TMEM117: variants seen among roughly 807,000 people sequenced by gnomAD.
TMEM117 encodes transmembrane protein 117.
Under a neutral mutation model 52.4 loss-of-function variants are expected in TMEM117, and 27 were observed. That is an observed-to-expected ratio of 0.51 (90% CI 0.38 to 0.71). TMEM117 has a LOEUF of 0.71. Ranked by LOEUF, TMEM117 falls within the 30% of genes least tolerant of loss-of-function variation. TMEM117 has a pLI of 0.00. For synonymous variants in TMEM117, 215 were observed against 206.3 expected (o/e 1.04, Z -0.36); for missense variants, 556 against 630.5 (o/e 0.88, Z 1.26).
chr12:44,115,070 A>C (rs1592529392), intron 3 of TMEM117, among the ~76,000 whole-genome samples: 1 of 152,324 alleles, frequency 6.6e-6, no homozygotes, highest in East Asian at 1.9e-4. Context: ...GGATTGGCAA[A>C]TATGTAGCAT....
intron 3 of TMEM117, among the ~76,000 whole-genome samples, chr12:44,007,743 G>T (rs897633390): frequency 2.6e-5 from 4 of 152,100 alleles, no homozygotes; most frequent in African/African-American, 9.7e-5. Context: ...TTCTGGTGCT[G>T]TTCTCGTGAT....
chr12:44,066,111 A>G (rs1947218158), intron 3 of TMEM117, among the ~76,000 whole-genome samples: 1 of 152,306 alleles, frequency 6.6e-6, no homozygotes. Flanking sequence ...ATTTGATACA[A>G]TTTGAACAGT....
At chr12:44,338,535 A>G (rs150256010) in intron 6 of TMEM117, among the ~76,000 whole-genome samples, 62 of 152,128 alleles carry the variant, frequency 4.1e-4, no homozygotes, top group African/African-American at 1.4e-3. Flanking sequence ...CATGTGTAAA[A>G]CATTTTAAAA....
At chr12:44,171,825 G>A (rs190626436) in intron 4 of TMEM117, among the ~76,000 whole-genome samples, 144 of 152,244 alleles carry the variant, frequency 9.5e-4, no homozygotes, top group African/African-American at 3.3e-3. Context: ...TGCCTCTTGA[G>A]AAAGTAACAT....
At chr12:44,360,312 G>T (rs1951703532) in intron 6 of TMEM117, among the ~76,000 whole-genome samples, 1 of 152,064 alleles carries the variant, frequency 6.6e-6, no homozygotes, top group African/African-American at 2.4e-5. Flanking sequence ...GGGCGCAGTG[G>T]CTCATGCCTG....
At chr12:44,281,639 A>G (rs1950578347) in intron 5 of TMEM117, among the ~76,000 whole-genome samples, 1 of 152,208 alleles carries the variant, frequency 6.6e-6, no homozygotes, top group South Asian at 2.1e-4. Context: ...TTTTAAAAGT[A>G]CTTTTAACAA....
the TMEM117 span, among the ~76,000 whole-genome samples, chr12:43,817,294 T>A: frequency 2.0e-5 from 3 of 152,228 alleles, no homozygotes; most frequent in Non-Finnish European, 4.4e-5. Context: ...ATTTCTGCTA[T>A]AAGAGTTATG....
chr12:43,813,324 A>G, the TMEM117 span, among the ~76,000 whole-genome samples: 36 of 139,068 alleles, frequency 2.6e-4, no homozygotes, highest in East Asian at 7.1e-3. Context: ...GCTCACTGTA[A>G]CCTCTGCCTC....
intron 5 of TMEM117, among the ~76,000 whole-genome samples, chr12:44,254,012 A>C (rs917256573): frequency 9.6e-6 from 1 of 103,706 alleles, no homozygotes; most frequent in Non-Finnish European, 1.7e-5. Context: ...TCATTTGACC[A>C]AAAAAAAAAA....
In TMEM117 at chr12:44,368,149, A is replaced by C. The variant is rs1348560140; in HGVS notation, c.769-8446A>C. 3.9e-5 allele frequency among the ~76,000 whole-genome samples: 6 copies of C among 152,270 alleles called. No homozygotes were observed. The East Asian group carries it at 1.2e-3, about 29-fold the overall frequency. ...CAGGGCTTCCTCTTTCATATCAATC[A>C]GTACTCCACACAAAGGTCATCTTCA... On this transcript the variant is annotated intron_variant, in intron 6 of 7. Coordinates refer to ENST00000266534, the MANE Select transcript of TMEM117 (RefSeq NM_032256.3).
intron 3 of TMEM117, among the ~76,000 whole-genome samples, chr12:44,048,816 C>A (rs747948164): frequency 6.6e-6 from 1 of 152,056 alleles, no homozygotes; most frequent in Non-Finnish European, 1.5e-5. Flanking sequence ...AATACAAACA[C>A]GTACTGGACA....
intron 2 of TMEM117, among the ~76,000 whole-genome samples, chr12:43,865,696 C>CA (rs1943581983): frequency 7.2e-6 from 1 of 139,624 alleles, no homozygotes; most frequent in Non-Finnish European, 1.5e-5. Flanking sequence ...GACTCCGTCC[C>CA]AAAAAAAGAA....
intron 6 of TMEM117, among the ~76,000 whole-genome samples, chr12:44,326,369 A>G (rs1470755575): frequency 6.6e-6 from 1 of 152,146 alleles, no homozygotes; most frequent in Admixed American, 6.5e-5. Context: ...GTTAAGCTGA[A>G]TGTTCTGTGT....
intron 2 of TMEM117, among the ~76,000 whole-genome samples, chr12:43,884,035 C>A (rs1943945103): frequency 6.6e-6 from 1 of 151,152 alleles, no homozygotes; most frequent in African/African-American, 2.4e-5. Flanking sequence ...ACTCAGGAAG[C>A]TGAGGTGAGA....
chr12:44,326,211 TA>T (rs1238179428), intron 6 of TMEM117, among the ~76,000 whole-genome samples: 2 of 152,062 alleles, frequency 1.3e-5, no homozygotes, highest in Admixed American at 6.6e-5. Context: ...GTTTTTTATT[TA>T]AAAAAAAGAA....
intron 4 of TMEM117, among the ~76,000 whole-genome samples, chr12:44,160,544 C>G (rs1045415477): frequency 2.0e-5 from 3 of 152,190 alleles, no homozygotes; most frequent in Admixed American, 2.0e-4. Flanking sequence ...TAACTCACAC[C>G]TGTGATTTCA....
At chr12:44,329,431 C>T (rs1951238093) in intron 6 of TMEM117, among the ~76,000 whole-genome samples, 1 of 152,108 alleles carries the variant, frequency 6.6e-6, no homozygotes, top group African/African-American at 2.4e-5. Context: ...GAAAGATGTA[C>T]ATAAAGCTGT....
chr12:44,183,688 T>A (rs1204051025), intron 4 of TMEM117, among the ~76,000 whole-genome samples: 2 of 151,954 alleles, frequency 1.3e-5, no homozygotes, highest in Non-Finnish European at 2.9e-5. Flanking sequence ...AGGAATAAGG[T>A]CTCAAAGGAT....
intron 4 of TMEM117, among the ~76,000 whole-genome samples, chr12:44,147,010 C>T (rs1041195963): frequency 1.3e-5 from 2 of 152,150 alleles, no homozygotes; most frequent in African/African-American, 4.8e-5. Flanking sequence ...CTGCTGGGTC[C>T]AGTTTCTTAG....
Sources: allele counts gnomAD v4.1 joint callset (sites outside exome capture counted in the v4.1 genomes callset), GRCh38; gene constraint gnomAD v4.1.1; transcripts MANE v1.5; gene names NCBI Gene and HGNC (gene_info 2026-07-23, HGNC 2026-07-21).